Variants in TMEM140 observed in about 807,000 individuals in gnomAD.
TMEM140 encodes the protein transmembrane protein 140.
For synonymous variants in TMEM140, 107 were observed against 106.8 expected (o/e 1.00, Z -0.01); for missense variants, 236 against 228.5 (o/e 1.03, Z -0.21).
chr7:135,164,018 C>T (rs1382725739), intron 1 of TMEM140, among the ~76,000 whole-genome samples: 1 of 152,234 alleles, frequency 6.6e-6, no homozygotes, highest in African/African-American at 2.4e-5. Flanking sequence ...ACCTTCAGGT[C>T]TCCATTAAGG....
intron 1 of TMEM140, 88 bp from the exon 2 acceptor site, chr7:135,164,330 A>G: frequency 8.8e-7 from 1 of 1,139,570 alleles, no homozygotes; most frequent in Non-Finnish European, 1.3e-6. Flanking sequence ...ATGAGTTTGT[A>G]AGAAATGCCA....
At chr7:135,160,680 G>A (rs3250) in intron 1 of TMEM140, among the ~76,000 whole-genome samples, 72,190 of 151,138 alleles carry the variant, frequency 0.48, 17,524 homozygotes, top group South Asian at 0.65. Context: ...TGTGTAACCA[G>A]GATTCGTACA....
intron 1 of TMEM140, among the ~76,000 whole-genome samples, chr7:135,152,041 G>A (rs112927208): frequency 7.9e-5 from 12 of 152,296 alleles, no homozygotes; most frequent in African/African-American, 1.7e-4. Context: ...TCTCTCTATC[G>A]TAGTAATAAT....
chr7:135,151,455 C>T lies in TMEM140; in HGVS notation c.-25+3185C>T, dbSNP rs1351035539. ...GGACTGGTGGCCTCTGACAAGTAAACCTGCGCCCTTGTTCTATGCCCTGGC... is the reference window on the plus strand; with the variant it reads ...GGACTGGTGGCCTCTGACAAGTAAATCTGCGCCCTTGTTCTATGCCCTGGC... On this transcript the variant is annotated intron_variant, in intron 1 of 1. Transcript: ENST00000275767. The surrounding 1 kb of genome is among the most constrained non-coding windows in gnomAD (Gnocchi z 4.3). Among the ~76,000 whole-genome samples the T allele has an allele frequency of 2.0e-5, 3 of 152,176 alleles. No homozygotes were observed. In the East Asian group the frequency reaches 5.8e-4, roughly 29 times the overall value.
Position 135,148,280 on chromosome 7 carries a change from G to C in TMEM140, c.-25+10G>C, listed in dbSNP as rs1054343472. 2 of 359,292 alleles carry C rather than the reference G, an allele frequency of 5.6e-6. No individual in the cohort carries two copies. The highest frequency in any genetic ancestry group is 4.3e-5 in the South Asian group (2 of 46,882). The allele number at this position is 359,292 out of a possible 1,614,324, so 22.3% of individuals were successfully genotyped here. ...TCTGCACCTCCTTTCTGTAAGTACC[G>C]ATCCTGCAAGCATCACAGCTTACCC... On this transcript the variant is annotated intron_variant, in intron 1 of 1. Coordinates refer to ENST00000275767, the MANE Select transcript of TMEM140 (RefSeq NM_018295.5).
Position 135,165,171 on chromosome 7 carries a change from G to A in TMEM140, c.*172G>A. ...CCGAGGGGCAGCAAGGGCAGCCAGG[G>A]CACCTGTGACTTCTTAGTACAAGAT... is the stretch of plus-strand genomic sequence containing the variant. On this transcript the variant is annotated 3_prime_UTR_variant, in exon 2 of 2. Transcript: ENST00000275767. The A allele has an allele frequency of 4.4e-6, 3 of 682,234 alleles. No individual in the cohort carries two copies. Among genetic ancestry groups the A allele is most frequent in the Non-Finnish European group, 7.3e-6 (3 of 412,078 alleles). 42.3% of individuals were successfully genotyped at this position (682,234 alleles called of 1,614,324 possible).
At chr7:135,160,396 C>A (rs1416488336) in intron 1 of TMEM140, among the ~76,000 whole-genome samples, 1 of 152,204 alleles carries the variant, frequency 6.6e-6, no homozygotes, top group Non-Finnish European at 1.5e-5. Context: ...GTGTCATTAC[C>A]AGGATTGTTT....
chr7:135,159,527 A>C (rs1343621961), intron 1 of TMEM140, among the ~76,000 whole-genome samples: 1 of 152,190 alleles, frequency 6.6e-6, no homozygotes, highest in African/African-American at 2.4e-5. Flanking sequence ...CTCCCTCCTA[A>C]GGCCCTGCTC....
Position 135,164,623 on chromosome 7 carries a change from C to A in TMEM140, c.182C>A (p.Thr61Asn), listed in dbSNP as rs773218932. The A allele has an allele frequency of 1.9e-6, 3 of 1,613,946 alleles. No homozygotes were observed. In the African/African-American group the frequency reaches 4.0e-5, roughly 22 times the overall value. ...NFCLWNEDTS[T>N]LQCHQFPELE... ...TGCCTGTGGAATGAGGACACCAGCACCCTACAGTGTCACCAGTTCCCTGAG... is the reference window on the plus strand; with the variant it reads ...TGCCTGTGGAATGAGGACACCAGCAACCTACAGTGTCACCAGTTCCCTGAG... Residue 61 changes from threonine to asparagine, a missense_variant, in exon 2 of 2, where the codon ACC becomes AAC. Coordinates refer to ENST00000275767, the MANE Select transcript of TMEM140 (RefSeq NM_018295.5).
chr7:135,158,369 G>C (rs765278945), intron 1 of TMEM140, among the ~76,000 whole-genome samples: 1 of 152,264 alleles, frequency 6.6e-6, no homozygotes, highest in African/African-American at 2.4e-5. Context: ...GTTCCAGGGA[G>C]GGGTGCTGCC....
At chr7:135,160,735 T>TAAA (rs11295955) in intron 1 of TMEM140, among the ~76,000 whole-genome samples, 15 of 145,374 alleles carry the variant, frequency 1.0e-4, no homozygotes, top group African/African-American at 3.3e-4. Flanking sequence ...TTCGCTCATT[T>TAAA]AAAAAAAAAA....
At chr7:135,155,330 G>A (rs56886845) in intron 1 of TMEM140, among the ~76,000 whole-genome samples, 5,600 of 152,188 alleles carry the variant, frequency 0.037, 330 homozygotes, top group African/African-American at 0.13. Flanking sequence ...TTACATTCAA[G>A]GTTAATATGG....
intron 1 of TMEM140, among the ~76,000 whole-genome samples, chr7:135,149,493 T>C (rs536996601): frequency 1.3e-5 from 2 of 152,380 alleles, no homozygotes; most frequent in Admixed American, 6.5e-5. Flanking sequence ...TGAACATTCC[T>C]ATGTATAAAT....
At chr7:135,163,590 A>G (rs1830004603) in intron 1 of TMEM140, among the ~76,000 whole-genome samples, 1 of 152,246 alleles carries the variant, frequency 6.6e-6, no homozygotes, top group African/African-American at 2.4e-5. Context: ...GATTGCAGTG[A>G]GCCAAGATCG....
At position 135,164,933 on chromosome 7, in the gene TMEM140, G is replaced by C; in HGVS notation, c.492G>C (p.Leu164Phe). ...GCGCCCAGGCCTTACTCATCCTCTT[G>C]CTTATAGCCATGGCTGTGTTCCCTC... ...LGSAQALLIL[L>F]LIAMAVFPLR... Residue 164 changes from leucine to phenylalanine, a missense_variant, in exon 2 of 2, where the codon TTG becomes TTC. Coordinates refer to ENST00000275767, the MANE Select transcript of TMEM140 (RefSeq NM_018295.5). 1 of 1,613,856 alleles carries C rather than the reference G, an allele frequency of 6.2e-7. No homozygotes were observed.
Position 135,165,115 on chromosome 7 carries a change from C to T in TMEM140, c.*116C>T. The T allele has an allele frequency of 7.5e-7, 1 of 1,338,524 alleles. No homozygotes were observed. Among genetic ancestry groups the T allele is most frequent in the Non-Finnish European group, 1.0e-6 (1 of 994,992 alleles). The allele number at this position is 1,338,524 out of a possible 1,614,324, so 82.9% of individuals were successfully genotyped here. A position where few individuals can be genotyped will look rare whatever the true frequency, so the allele number is the denominator to read the frequency against. On this transcript the variant is annotated 3_prime_UTR_variant, in exon 2 of 2. Transcript: ENST00000275767. ...CCAGCTCCAGCGATGGAACCCACTACAGAGGAGGTGGGGCCCCTGTGTCAA... is the reference window on the plus strand; with the variant it reads ...CCAGCTCCAGCGATGGAACCCACTATAGAGGAGGTGGGGCCCCTGTGTCAA...
In TMEM140 at chr7:135,151,804, C is replaced by G. The variant is rs923883907; in HGVS notation, c.-25+3534C>G. Among the ~76,000 whole-genome samples the G allele has an allele frequency of 6.6e-6, 1 of 152,182 alleles. No homozygotes were observed. The highest frequency in any genetic ancestry group is 2.4e-5 in the African/African-American group (1 of 41,434). On this transcript the variant is annotated intron_variant, in intron 1 of 1. Coordinates refer to ENST00000275767, the MANE Select transcript of TMEM140 (RefSeq NM_018295.5). The surrounding 1 kb of genome is among the most constrained non-coding windows in gnomAD (Gnocchi z 4.3). ...GTCATATGACTAGTGAGTGACAGAA[C>G]GACGACATGCTCCCAGGTCATCTGG...
intron 1 of TMEM140, among the ~76,000 whole-genome samples, chr7:135,162,203 G>C (rs1412169242): frequency 6.6e-6 from 1 of 152,192 alleles, no homozygotes; most frequent in African/African-American, 2.4e-5. Flanking sequence ...AAAGAGGAGG[G>C]AGCTGTTCCC....
Position 135,164,430 on chromosome 7 carries a change from A to T in TMEM140, c.-12A>T, listed in dbSNP as rs1830028443. 4 of 1,587,880 alleles carry T rather than the reference A, an allele frequency of 2.5e-6. No homozygotes were observed. Among genetic ancestry groups the T allele is most frequent in the Non-Finnish European group, 3.5e-6 (4 of 1,158,620 alleles). On this transcript the variant is annotated 5_prime_UTR_variant, in exon 2 of 2. Transcript: ENST00000275767. ...GACTTCCCCGCAGGTCCCCCGGCAG[A>T]GGGCAGTAGAGATGGCCGGCCCAAG... is the stretch of plus-strand genomic sequence containing the variant.
Sources: gnomAD v4.1 joint callset for allele counts (sites outside exome capture counted in the v4.1 genomes callset) on GRCh38, gnomAD v4.1.1 for gene constraint, Gnocchi (gnomAD v3.1) non-coding constraint, MANE v1.5 for transcripts, NCBI Gene and HGNC (gene_info 2026-07-23, HGNC 2026-07-21) for gene names.